The following CHD6 variants were observed in gnomAD, a reference collection of about 807,000 sequenced individuals.
The protein encoded by CHD6 is chromodomain helicase DNA binding protein 6.
A neutral mutation model predicts 276.9 loss-of-function variants in CHD6; 50 were observed. That is an observed-to-expected ratio of 0.18 (90% CI 0.14 to 0.23). The LOEUF is 0.23. Among genes scored for constraint, CHD6 ranks in the 10% least tolerant of loss-of-function variants. The pLI is 1.00. For missense variants in CHD6, 2,564 were observed against 3,365.8 expected (o/e 0.76, Z 5.89); for synonymous variants, 1,173 against 1,229.3 (o/e 0.95, Z 0.96).
chr20:41,506,117 A>G (rs6072393), intron 5 of CHD6, among the ~76,000 whole-genome samples: 58,217 of 151,960 alleles, frequency 0.38, 13,918 homozygotes, highest in African/African-American at 0.66. Context: ...TTCTAACCTG[A>G]TCTGTACCAC....
intron 29 of CHD6, among the ~76,000 whole-genome samples, chr20:41,423,969 C>T (rs1039551416): frequency 1.3e-5 from 2 of 152,346 alleles, no homozygotes; most frequent in Middle Eastern, 3.4e-3. Context: ...ACCAGGTATA[C>T]ACTTGCTATC....
intron 23 of CHD6, among the ~76,000 whole-genome samples, chr20:41,450,262 G>T (rs2048195700): frequency 6.6e-6 from 1 of 152,128 alleles, no homozygotes; most frequent in Non-Finnish European, 1.5e-5. Context: ...GCGACCGGAG[G>T]CCCTCACACT....
chr20:41,573,257 T>C (rs1233826896), intron 1 of CHD6, among the ~76,000 whole-genome samples: 1 of 152,190 alleles, frequency 6.6e-6, no homozygotes, highest in East Asian at 1.9e-4. Context: ...GACATTTCAC[T>C]AAACTCTTCT....
intron 1 of CHD6, among the ~76,000 whole-genome samples, chr20:41,557,819 T>A (rs1194874699): frequency 6.6e-6 from 1 of 152,124 alleles, no homozygotes; most frequent in African/African-American, 2.4e-5. Flanking sequence ...ACAGAGTATG[T>A]GGGAAGCAAC....
chr20:41,484,341 C>T lies in CHD6; in HGVS notation c.2257+11G>A, dbSNP rs1170582452. On this transcript the variant is annotated intron_variant, in intron 15 of 36. Coordinates refer to ENST00000373233, the MANE Select transcript of CHD6 (RefSeq NM_032221.5). Reference sequence around the variant, plus strand: ...GCAGTCCTGAGTTACTTCCTAGTGCCCCTGACTCACCATTGATCAGGTAGG... The same window carrying T: ...GCAGTCCTGAGTTACTTCCTAGTGCTCCTGACTCACCATTGATCAGGTAGG... 6.2e-7 allele frequency: 1 copy of T among 1,613,474 alleles called. No homozygotes were observed.
chr20:41,413,641 G>T, intron 34 of CHD6, 126 bp from the exon 35 acceptor site: 1 of 826,412 alleles, frequency 1.2e-6, no homozygotes, highest in Non-Finnish European at 1.8e-6. Context: ...ACTCAGCTGG[G>T]GTGCCTGAAT....
chr20:41,540,042 T>A (rs1207013064), intron 2 of CHD6, among the ~76,000 whole-genome samples: 1 of 152,226 alleles, frequency 6.6e-6, no homozygotes, highest in African/African-American at 2.4e-5. Context: ...ACCATCATCA[T>A]GTCTGGGTGA....
chr20:41,524,586 G>A (rs1369077235), intron 3 of CHD6, among the ~76,000 whole-genome samples: 3 of 152,182 alleles, frequency 2.0e-5, no homozygotes, highest in African/African-American at 7.2e-5. Context: ...CCCATCCTCA[G>A]TACACCAAAT....
At chr20:41,580,148 T>C (rs1002730041) in intron 1 of CHD6, among the ~76,000 whole-genome samples, 2 of 152,182 alleles carry the variant, frequency 1.3e-5, no homozygotes, top group Non-Finnish European at 2.9e-5. Context: ...ACTGTTCGAA[T>C]GCTATAAACT....
intron 1 of CHD6, among the ~76,000 whole-genome samples, chr20:41,606,099 C>A (rs768974788): frequency 6.6e-5 from 10 of 152,158 alleles, no homozygotes; most frequent in African/African-American, 2.4e-4. Flanking sequence ...TTATCTCGGC[C>A]GGGCGTAGTG....
At chr20:41,567,208 T>G (rs968706701) in intron 1 of CHD6, among the ~76,000 whole-genome samples, 2 of 152,130 alleles carry the variant, frequency 1.3e-5, no homozygotes, top group African/African-American at 4.8e-5. Context: ...GTGTGGCAGG[T>G]GTTCTCTGAG....
intron 20 of CHD6, among the ~76,000 whole-genome samples, 159 bp downstream of exon 20, chr20:41,454,467 T>C (rs1037842280): frequency 2.0e-5 from 3 of 152,230 alleles, no homozygotes; most frequent in East Asian, 3.8e-4. Context: ...TTAAGATTTA[T>C]TGAGTGATGT....
At chr20:41,441,382 C>A (rs533204415) in intron 25 of CHD6, among the ~76,000 whole-genome samples, 1 of 152,172 alleles carries the variant, frequency 6.6e-6, no homozygotes, top group African/African-American at 2.4e-5. Context: ...CACGTTCCTG[C>A]CCCACCTCAC....
intron 16 of CHD6, among the ~76,000 whole-genome samples, chr20:41,478,155 T>C (rs945849190): frequency 2.0e-5 from 3 of 152,092 alleles, no homozygotes; most frequent in Non-Finnish European, 4.4e-5. Flanking sequence ...TGCTCCCATA[T>C]GGAAAGTGAA....
At chr20:41,499,474 C>T in intron 5 of CHD6, 117 bp from the exon 6 acceptor site, 1 of 757,190 alleles carries the variant, frequency 1.3e-6, no homozygotes, top group South Asian at 1.9e-5. Context: ...CTTTGAGTAC[C>T]AAGGCCTCCC....
intron 2 of CHD6, among the ~76,000 whole-genome samples, chr20:41,548,593 T>C (rs1418459773): frequency 6.6e-6 from 1 of 152,184 alleles, no homozygotes; most frequent in African/African-American, 2.4e-5. Context: ...GGCAAGGACT[T>C]CATGTCTAAA....
intron 2 of CHD6, among the ~76,000 whole-genome samples, chr20:41,537,356 A>T (rs2044854509): frequency 6.6e-6 from 1 of 152,204 alleles, no homozygotes; most frequent in Non-Finnish European, 1.5e-5. Flanking sequence ...ATACTACAAC[A>T]ACTATTTATG....
chr20:41,403,543 A>G lies in CHD6; in HGVS notation c.*1050T>C. On this transcript the variant is annotated 3_prime_UTR_variant, in exon 37 of 37. Coordinates refer to ENST00000373233, the MANE Select transcript of CHD6 (RefSeq NM_032221.5). ...AATTAATGGAGAAGTAACTTTTCATAGCTGTATTATAAAGGGTGGCACACA... is the reference window on the plus strand; with the variant it reads ...AATTAATGGAGAAGTAACTTTTCATGGCTGTATTATAAAGGGTGGCACACA... 9.4e-7 allele frequency: 1 copy of G among 1,063,318 alleles called. No individual in the cohort carries two copies. The highest frequency in any genetic ancestry group is 4.6e-5 in the South Asian group (1 of 21,968). The allele number at this position is 1,063,318 out of a possible 1,614,324, so 65.9% of individuals were successfully genotyped here.
intron 19 of CHD6, 107 bp downstream of exon 19, chr20:41,455,693 T>G (rs1569097765): frequency 2.7e-6 from 2 of 732,808 alleles, no homozygotes; most frequent in Non-Finnish European, 4.4e-6. Context: ...GCAGCCAATT[T>G]CTAGGATTTG....
Sources: gnomAD v4.1 joint callset for allele counts (sites outside exome capture counted in the v4.1 genomes callset) on GRCh38, gnomAD v4.1.1 for gene constraint, MANE v1.5 for transcripts, NCBI Gene and HGNC (gene_info 2026-07-23, HGNC 2026-07-21) for gene names.